Variants in RELN observed in about 807,000 individuals in gnomAD.
The protein encoded by RELN is reelin.
RELN carries 108 observed loss-of-function variants against 427.6 expected under a neutral mutation model. That is an observed-to-expected ratio of 0.25 (90% confidence interval 0.22 to 0.30). The LOEUF (loss-of-function observed/expected upper bound fraction) is 0.30. RELN is among the 10% of genes least tolerant of loss of function. RELN has a pLI of 1.00. For missense variants in RELN, 3,715 were observed against 4,302.8 expected (o/e 0.86, Z 3.82); for synonymous variants, 1,524 against 1,513.4 (o/e 1.01, Z -0.16).
intron 2 of RELN, among the ~76,000 whole-genome samples, chr7:103,909,639 T>G (rs1795295049): frequency 8.3e-6 from 1 of 120,892 alleles, no homozygotes; most frequent in Non-Finnish European, 1.6e-5. Flanking sequence ...ATATATTTAA[T>G]AAATATATAT....
At chr7:103,814,497 A>G (rs1792821682) in intron 3 of RELN, among the ~76,000 whole-genome samples, 1 of 152,236 alleles carries the variant, frequency 6.6e-6, no homozygotes, top group Admixed American at 6.5e-5. Flanking sequence ...ATATAAGGTC[A>G]TGGTTCATAT....
At chr7:103,980,547 C>T (rs563938273) in intron 1 of RELN, among the ~76,000 whole-genome samples, 4 of 152,160 alleles carry the variant, frequency 2.6e-5, no homozygotes, top group South Asian at 2.1e-4. Context: ...AAAATAAATG[C>T]GTACTATCTA....
intron 7 of RELN, among the ~76,000 whole-genome samples, chr7:103,726,270 A>G (rs1790209543): frequency 6.6e-6 from 1 of 152,166 alleles, no homozygotes; most frequent in South Asian, 2.1e-4. Context: ...AAATTATGAA[A>G]AATTAGAAGT....
intron 6 of RELN, among the ~76,000 whole-genome samples, chr7:103,740,568 G>C (rs932628792): frequency 6.6e-6 from 1 of 152,118 alleles, no homozygotes; most frequent in African/African-American, 2.4e-5. Context: ...ACTTGGAAGA[G>C]TAACTTATCT....
intron 49 of RELN, 44 bp from the exon 50 acceptor site, chr7:103,515,485 C>G: frequency 6.3e-7 from 1 of 1,589,622 alleles, no homozygotes; most frequent in Non-Finnish European, 8.5e-7. Context: ...GAACCCTTGT[C>G]AAATATCTTC....
chr7:103,870,885 C>A (rs1794316193), intron 2 of RELN, among the ~76,000 whole-genome samples: 1 of 152,148 alleles, frequency 6.6e-6, no homozygotes, highest in Non-Finnish European at 1.5e-5. Context: ...CTCCTGGTGC[C>A]TAGCTCCACA....
intron 1 of RELN, among the ~76,000 whole-genome samples, chr7:103,949,057 A>T (rs10235322): frequency 0.28 from 41,378 of 147,622 alleles, 6,703 homozygotes; most frequent in Non-Finnish European, 0.35. Context: ...ACCCGTATAC[A>T]TATATATGGG....
chr7:103,816,599 T>C (rs1206198802), intron 3 of RELN, among the ~76,000 whole-genome samples: 1 of 147,008 alleles, frequency 6.8e-6, no homozygotes, highest in African/African-American at 2.5e-5. Context: ...TGATAAAACA[T>C]AGGTTCTACA....
chr7:103,526,816 G>C (rs2299333), intron 46 of RELN, among the ~76,000 whole-genome samples: 7,875 of 152,192 alleles, frequency 0.052, 274 homozygotes, highest in South Asian at 0.15. Context: ...CAAGAACTAC[G>C]AGTGTCTTGG....
rs1319109334 is a variant in RELN, at chr7:103,655,096, G to A, written c.1442-891C>T. On this transcript the variant is annotated intron_variant, in intron 12 of 64. Coordinates refer to ENST00000428762, the MANE Select transcript of RELN (RefSeq NM_005045.4). ...TAAAGCATTAAGACTGTAGGCATGA[G>A]CCACCACGCCTAGTCCCAGTCAACA... Among the ~76,000 whole-genome samples the A allele has an allele frequency of 2.0e-5, 3 of 152,086 alleles. No homozygotes were observed. The East Asian group carries it at 5.8e-4, about 29-fold the overall frequency.
At position 103,489,632 on chromosome 7, in the gene RELN, T is replaced by TC; in HGVS notation, c.9763+109dup. On this transcript the variant is annotated intron_variant, in intron 60 of 64. Transcript: ENST00000428762. ...CAAGGAGTGTGTCATGAATCTCAGATCCCTCAGGCTGGAGTTTCTATCCAT... is the reference window on the plus strand; with the variant it reads ...CAAGGAGTGTGTCATGAATCTCAGATCCCCTCAGGCTGGAGTTTCTATCCAT... 5 of 1,242,142 alleles carry TC rather than the reference T, an allele frequency of 4.0e-6. No homozygotes were observed. In the South Asian group the frequency reaches 6.5e-5, roughly 16 times the overall value. 76.9% of individuals were successfully genotyped at this position (1,242,142 alleles called of 1,614,324 possible). A position where few individuals can be genotyped will look rare whatever the true frequency, so the allele number is the denominator to read the frequency against.
chr7:103,621,930 C>T (rs1447852013), intron 20 of RELN, among the ~76,000 whole-genome samples: 1 of 152,136 alleles, frequency 6.6e-6, no homozygotes, highest in African/African-American at 2.4e-5. Context: ...GCACGAGAAT[C>T]ACTTGAACCT....
At chr7:103,540,912 A>C (rs148170145) in intron 43 of RELN, among the ~76,000 whole-genome samples, 1 of 152,374 alleles carries the variant, frequency 6.6e-6, no homozygotes. Flanking sequence ...TATTTCTTCT[A>C]AGGTTTCACC....
In RELN at chr7:103,953,268, T is replaced by A. The variant is rs1259811798; in HGVS notation, c.226+35863A>T. ...CAGTTGATTGAAAAAGTTAAAATAC[T>A]GCCCTACTTGAAACTCACAATAACA... On this transcript the variant is annotated intron_variant, in intron 1 of 64. Transcript: ENST00000428762. The surrounding 1 kb of genome is among the most constrained non-coding windows in gnomAD (Gnocchi z 4.3). Among the ~76,000 whole-genome samples the A allele has an allele frequency of 1.3e-5, 2 of 152,230 alleles. No individual in the cohort carries two copies.
intron 3 of RELN, among the ~76,000 whole-genome samples, chr7:103,782,447 G>A (rs1383080532): frequency 2.0e-5 from 3 of 152,004 alleles, no homozygotes; most frequent in Admixed American, 6.6e-5. Context: ...TGAGGATAGG[G>A]ATAACTTGAA....
Position 103,877,013 on chromosome 7 carries a change from G to A in RELN, c.337+40062C>T, listed in dbSNP as rs190201565. Among the ~76,000 whole-genome samples, 99 of 152,042 alleles carry A rather than the reference G, an allele frequency of 6.5e-4. 1 individual carries two copies. The highest frequency in any genetic ancestry group is 2.3e-3 in the African/African-American group (96 of 41,496). ...TCACTCCCTCACCCCTTCTGGAAATGCTCTCTTCCTCAGCCTCTGGGATAT... is the reference window on the plus strand; with the variant it reads ...TCACTCCCTCACCCCTTCTGGAAATACTCTCTTCCTCAGCCTCTGGGATAT... On this transcript the variant is annotated intron_variant, in intron 2 of 64. Coordinates refer to ENST00000428762, the MANE Select transcript of RELN (RefSeq NM_005045.4).
intron 27 of RELN, among the ~76,000 whole-genome samples, chr7:103,590,382 T>C (rs879310033): frequency 4.6e-5 from 7 of 151,886 alleles, no homozygotes; most frequent in Non-Finnish European, 1.0e-4. Context: ...GCCAAGATGG[T>C]AAAACCCTGT....
intron 8 of RELN, among the ~76,000 whole-genome samples, chr7:103,720,174 TG>T (rs1367612618): frequency 6.4e-4 from 57 of 88,880 alleles, no homozygotes; most frequent in African/African-American, 2.6e-3. Context: ...GTATAAACAT[TG>T]TGTGTGTGTG....
intron 60 of RELN, 71 bp downstream of exon 60, chr7:103,489,671 T>G: frequency 1.3e-6 from 2 of 1,548,818 alleles, no homozygotes; most frequent in Non-Finnish European, 1.8e-6. Context: ...CTAGTGGACT[T>G]TTGTATATAT....
Sources: gnomAD v4.1 joint callset for allele counts (sites outside exome capture counted in the v4.1 genomes callset) on GRCh38, gnomAD v4.1.1 for gene constraint, Gnocchi (gnomAD v3.1) non-coding constraint, MANE v1.5 for transcripts, NCBI Gene and HGNC (gene_info 2026-07-23, HGNC 2026-07-21) for gene names.